The following CACNA2D3 variants were observed in gnomAD, a reference collection of about 807,000 sequenced individuals.
CACNA2D3 encodes voltage-dependent calcium channel subunit alpha-2/delta-3.
In CACNA2D3, 60 loss-of-function variants were observed where a neutral mutation model predicts 160.6. The observed-to-expected ratio is 0.37, with a 90% CI of 0.30 to 0.46. CACNA2D3 has a LOEUF of 0.46. Ranked by LOEUF, CACNA2D3 falls within the 20% of genes least tolerant of loss-of-function variation. The probability of loss-of-function intolerance (pLI) is 1.00; values close to 1 mark genes in which losing one functional copy is unlikely to be tolerated. For missense variants in CACNA2D3, 1,205 were observed against 1,365.0 expected, an observed-to-expected ratio of 0.88 and a Z score of 1.85; for synonymous variants, 558 against 492.9, an observed-to-expected ratio of 1.13 and a Z score of -1.75.
chr3:54,149,384 T>A (rs1700098700), intron 2 of CACNA2D3, among the ~76,000 whole-genome samples: 1 of 151,948 alleles, frequency 6.6e-6, no homozygotes, highest in Non-Finnish European at 1.5e-5. Flanking sequence ...GTTGCACACA[T>A]AGGCAGTGTT....
rs187401421 is a variant in CACNA2D3 at position 55,052,543 on chromosome 3, A to G, written c.2988-20902A>G. On this transcript the variant is annotated intron_variant, in intron 35 of 37. Coordinates refer to ENST00000474759, the MANE Select transcript of CACNA2D3 (RefSeq NM_018398.3). ...GTTTCTATATTCTTACAGATTTTCTATGTATTCTACTTTTTCTGTTCATTA... is the reference window on the plus strand; with the variant it reads ...GTTTCTATATTCTTACAGATTTTCTGTGTATTCTACTTTTTCTGTTCATTA... 8.7e-4 allele frequency among the ~76,000 whole-genome samples: 132 copies of G among 152,156 alleles called. 1 individual carries two copies. The highest frequency in any genetic ancestry group is 3.0e-3 in the African/African-American group (123 of 41,534).
At chr3:54,140,432 C>T (rs191431370) in intron 2 of CACNA2D3, among the ~76,000 whole-genome samples, 10 of 152,364 alleles carry the variant, frequency 6.6e-5, no homozygotes, top group Admixed American at 6.5e-4. Flanking sequence ...ACCCTGCCCT[C>T]TTCCACTCGC....
chr3:54,382,983 G>C (rs979234026), intron 3 of CACNA2D3, among the ~76,000 whole-genome samples: 1 of 152,138 alleles, frequency 6.6e-6, no homozygotes, highest in African/African-American at 2.4e-5. Flanking sequence ...CGCTAGCTGG[G>C]ACTACAGGTG....
Position 54,689,010 on chromosome 3 carries a change from A to ATAG in CACNA2D3, c.1167+46769_1167+46770insTAG. Among the ~76,000 whole-genome samples the ATAG allele has an allele frequency of 4.7e-5, 4 of 85,496 alleles. 1 individual carries two copies. Among genetic ancestry groups the ATAG allele is most frequent in the East Asian group, 8.2e-4 (2 of 2,450 alleles). The allele number at this position is 85,496 out of a possible 152,430, so 56.1% of individuals were successfully genotyped here. A position where few individuals can be genotyped will look rare whatever the true frequency, so the allele number is the denominator to read the frequency against. On this transcript the variant is annotated intron_variant, in intron 11 of 37. Transcript: ENST00000474759. ...AAAAAAAAAAAAAAAAAAAAAAAAA[A>ATAG]AGAATGAGGTTGTATACATAAAGCA...
At chr3:54,671,248 T>C (rs1319263441) in intron 11 of CACNA2D3, among the ~76,000 whole-genome samples, 1 of 151,496 alleles carries the variant, frequency 6.6e-6, no homozygotes, top group Non-Finnish European at 1.5e-5. Context: ...TCTCATTAAG[T>C]CAAAGAAACT....
intron 11 of CACNA2D3, among the ~76,000 whole-genome samples, chr3:54,680,473 A>AC (rs1700321485): frequency 6.6e-6 from 1 of 152,150 alleles, no homozygotes; most frequent in Non-Finnish European, 1.5e-5. Flanking sequence ...CATGGCCCCT[A>AC]CCCCCAGCCT....
Position 54,886,935 on chromosome 3 carries a change from C to CTTTTTTTTTTTTT in CACNA2D3, c.2057-1022_2057-1010dup, listed in dbSNP as rs60899252. Among the ~76,000 whole-genome samples, 104 of 107,710 alleles carry CTTTTTTTTTTTTT rather than the reference C, an allele frequency of 9.7e-4. 3 individuals are homozygous for CTTTTTTTTTTTTT. Among genetic ancestry groups the CTTTTTTTTTTTTT allele is most frequent in the South Asian group, 1.5e-3 (5 of 3,242 alleles). 70.7% of individuals were successfully genotyped at this position (107,710 alleles called of 152,430 possible). On this transcript the variant is annotated intron_variant, in intron 23 of 37. Coordinates refer to ENST00000474759, the MANE Select transcript of CACNA2D3 (RefSeq NM_018398.3). Reference sequence around the variant, plus strand: ...CTAGCTTTCGCTTTTCAGCAAAGCTCTTTTTTTTTTTTTTGCCCCCAGTCA... The same window carrying CTTTTTTTTTTTTT: ...CTAGCTTTCGCTTTTCAGCAAAGCTCTTTTTTTTTTTTTTTTTTTTTTTTTTTGCCCCCAGTCA...
At chr3:54,400,385 C>A (rs7374435) in intron 4 of CACNA2D3, among the ~76,000 whole-genome samples, 2 of 151,690 alleles carry the variant, frequency 1.3e-5, no homozygotes, top group African/African-American at 4.8e-5. Flanking sequence ...CCTGAGCCCA[C>A]GACTCCTCTT....
chr3:55,044,622 T>C (rs1704035945), intron 35 of CACNA2D3, among the ~76,000 whole-genome samples: 1 of 152,094 alleles, frequency 6.6e-6, no homozygotes, highest in Admixed American at 6.6e-5. Flanking sequence ...CTCTCTCTTA[T>C]TGCACTGACT....
chr3:54,989,368 C>T (rs990093493), intron 31 of CACNA2D3, among the ~76,000 whole-genome samples: 8 of 152,134 alleles, frequency 5.3e-5, no homozygotes, highest in Admixed American at 5.2e-4. Context: ...TCTAGAACTT[C>T]CTTTTACTAC....
intron 2 of CACNA2D3, among the ~76,000 whole-genome samples, chr3:54,260,318 C>A (rs773236456): frequency 6.6e-6 from 1 of 152,048 alleles, no homozygotes; most frequent in Non-Finnish European, 1.5e-5. Context: ...ATACATGAGA[C>A]CGGGCAATTT....
chr3:54,419,654 C>A (rs546380394), intron 4 of CACNA2D3, among the ~76,000 whole-genome samples: 1 of 152,188 alleles, frequency 6.6e-6, no homozygotes, highest in African/African-American at 2.4e-5. Context: ...AACTCTAGGG[C>A]AGGTAGTCTG....
At chr3:54,687,786 G>A (rs1282455496) in intron 11 of CACNA2D3, among the ~76,000 whole-genome samples, 1 of 152,144 alleles carries the variant, frequency 6.6e-6, no homozygotes, top group Non-Finnish European at 1.5e-5. Flanking sequence ...TTCAAAGGAG[G>A]TATTTAGTGC....
intron 13 of CACNA2D3, among the ~76,000 whole-genome samples, chr3:54,803,805 GAAAGGTCGGATTACCCAC>G (rs1559587798): frequency 6.6e-6 from 1 of 152,234 alleles, no homozygotes; most frequent in Non-Finnish European, 1.5e-5. Flanking sequence ...CAGCCAGAGA[GAAAGGTCGGATTACCCAC>G]AAAGGGAAGC....
At chr3:54,456,487 A>G (rs1198494347) in intron 4 of CACNA2D3, among the ~76,000 whole-genome samples, 2 of 151,848 alleles carry the variant, frequency 1.3e-5, no homozygotes, top group Admixed American at 1.3e-4. Flanking sequence ...GTTTTTCTAT[A>G]TATAAGATCA....
intron 2 of CACNA2D3, among the ~76,000 whole-genome samples, chr3:54,285,008 C>T (rs1383284279): frequency 6.6e-6 from 1 of 152,156 alleles, no homozygotes; most frequent in Non-Finnish European, 1.5e-5. Flanking sequence ...ATGAGCGATG[C>T]AGAAGACGGG....
At chr3:54,373,635 G>A (rs1328629742) in intron 3 of CACNA2D3, among the ~76,000 whole-genome samples, 1 of 152,160 alleles carries the variant, frequency 6.6e-6, no homozygotes, top group African/African-American at 2.4e-5. Context: ...GTGCCATGGT[G>A]TCTTTATGAC....
chr3:54,921,004 G>A (rs182859172), intron 27 of CACNA2D3, among the ~76,000 whole-genome samples: 71 of 152,314 alleles, frequency 4.7e-4, no homozygotes, highest in African/African-American at 1.7e-3. Context: ...GGTCTCCTGT[G>A]CAGGTGATCC....
chr3:54,732,541 C>G (rs529499379), intron 11 of CACNA2D3, among the ~76,000 whole-genome samples: 2 of 152,142 alleles, frequency 1.3e-5, no homozygotes, highest in Non-Finnish European at 2.9e-5. Context: ...CTCTTCGTGT[C>G]TGGAATTTGG....
Sources: allele counts gnomAD v4.1 joint callset (sites outside exome capture counted in the v4.1 genomes callset), GRCh38; gene constraint gnomAD v4.1.1; transcripts MANE v1.5; gene names NCBI Gene and HGNC (gene_info 2026-07-23, HGNC 2026-07-21).